The following ZNF157 variants were observed in gnomAD, a reference collection of about 807,000 sequenced individuals.
ZNF157 encodes the protein zinc finger protein 22.
In ZNF157, 8 loss-of-function variants were observed where a neutral mutation model predicts 9.4. That is an observed-to-expected ratio of 0.85 (90% CI 0.50 to 1.53). The LOEUF (loss-of-function observed/expected upper bound fraction) is 1.53, where lower values mean the gene tolerates loss of function less well. Ranked by LOEUF, ZNF157 falls within the 40% of genes most tolerant of loss-of-function variation. ZNF157 has a pLI of 0.00. For synonymous variants in ZNF157, 120 were observed against 130.8 expected (o/e 0.92, Z 0.56); for missense variants, 316 against 385.2 (o/e 0.82, Z 1.50).
At chrX:47,397,694 C>G (rs188408988) in intron 1 of ZNF157, among the ~76,000 whole-genome samples, 1 of 111,775 alleles carries the variant, frequency 8.9e-6, no homozygotes, top group Non-Finnish European at 1.9e-5. Context: ...GGATTACAGG[C>G]GTGAGCCACC....
intron 1 of ZNF157, among the ~76,000 whole-genome samples, chrX:47,399,180 G>A (rs1229882968): frequency 9.0e-6 from 1 of 111,282 alleles, no homozygotes. Flanking sequence ...CAACAATATT[G>A]GTCTAGCAAA....
At chrX:47,405,364 C>T (rs1602772843) in intron 1 of ZNF157, among the ~76,000 whole-genome samples, 1 of 108,507 alleles carries the variant, frequency 9.2e-6, no homozygotes, top group African/African-American at 3.4e-5. Flanking sequence ...ACTCCAGCCT[C>T]AGCAACAAGA....
chrX:47,377,724 G>A (rs1170341185), intron 1 of ZNF157, among the ~76,000 whole-genome samples: 2 of 101,355 alleles, frequency 2.0e-5, no homozygotes, highest in African/African-American at 7.6e-5. Flanking sequence ...GAGCCACCAT[G>A]CCCAGCCTTT....
chrX:47,409,380 G>C (rs1040523144), intron 1 of ZNF157, among the ~76,000 whole-genome samples: 9 of 111,621 alleles, frequency 8.1e-5, no homozygotes, highest in Admixed American at 3.8e-4. Flanking sequence ...TGTCGCCCAG[G>C]CTGGAGTGCA....
At chrX:47,373,632 A>C (rs940161795) in intron 1 of ZNF157, among the ~76,000 whole-genome samples, 1 of 110,616 alleles carries the variant, frequency 9.0e-6, no homozygotes, top group Non-Finnish European at 1.9e-5. Context: ...ACTTAAACTT[A>C]TCTGCATCTT....
chrX:47,387,577 T>C (rs1329334341), intron 1 of ZNF157, among the ~76,000 whole-genome samples: 1 of 110,265 alleles, frequency 9.1e-6, no homozygotes, highest in Non-Finnish European at 1.9e-5. Context: ...GCTTAATCTG[T>C]ATATTCTAGG....
At chrX:47,392,947 G>T (rs912678669) in intron 1 of ZNF157, among the ~76,000 whole-genome samples, 1 of 111,123 alleles carries the variant, frequency 9.0e-6, no homozygotes, top group Non-Finnish European at 1.9e-5. Flanking sequence ...CTGAGGTCAG[G>T]AGTTCGAGAC....
chrX:47,388,730 G>C (rs910672355), intron 1 of ZNF157: 2 of 156,518 alleles, frequency 1.3e-5, no homozygotes, highest in Non-Finnish European at 2.7e-5. Context: ...TCATTGTGAC[G>C]GGGGGCACAA....
chrX:47,411,191 G>A (rs1456068811), intron 3 of ZNF157, among the ~76,000 whole-genome samples: 1 of 110,357 alleles, frequency 9.1e-6, no homozygotes, highest in Non-Finnish European at 1.9e-5. Flanking sequence ...GTTTCACCAT[G>A]TTGGCCAGGT....
chrX:47,406,843 C>A (rs1236312337), intron 1 of ZNF157, among the ~76,000 whole-genome samples: 1 of 112,166 alleles, frequency 8.9e-6, no homozygotes, highest in Non-Finnish European at 1.9e-5. Context: ...CTTTTTCTTG[C>A]CTGATTTCAC....
intron 1 of ZNF157, among the ~76,000 whole-genome samples, chrX:47,372,651 C>T (rs2055832326): frequency 1.8e-5 from 2 of 108,965 alleles, no homozygotes; most frequent in Admixed American, 9.9e-5. Context: ...TATGCCACCA[C>T]GCCCAGCTAA....
At chrX:47,384,040 C>T (rs1208046631) in intron 1 of ZNF157, among the ~76,000 whole-genome samples, 3 of 108,427 alleles carry the variant, frequency 2.8e-5, no homozygotes, top group Admixed American at 1.0e-4. Context: ...GAGGCCGAGG[C>T]GGGTGGATCA....
Position 47,385,724 on chromosome X carries a change from C to T in ZNF157, c.72+14984C>T, listed in dbSNP as rs755639229. Among the ~76,000 whole-genome samples, 333 of 110,271 alleles carry T rather than the reference C, an allele frequency of 3.0e-3. 3 individuals are homozygous for T. The highest frequency in any genetic ancestry group is 8.9e-3 in the African/African-American group (269 of 30,360). On this transcript the variant is annotated intron_variant, in intron 1 of 3. Coordinates refer to ENST00000377073, the MANE Select transcript of ZNF157 (RefSeq NM_003446.4). ...CTGGGATTACAGGTGCGTGCCACTA[C>T]GCCCAGCTAATTTTTGTATTTTTGG...
At chrX:47,387,351 G>A (rs1240736083) in intron 1 of ZNF157, among the ~76,000 whole-genome samples, 2 of 109,853 alleles carry the variant, frequency 1.8e-5, no homozygotes, top group African/African-American at 6.6e-5. Context: ...TCGAACTCCC[G>A]ACCTCAGGTG....
intron 3 of ZNF157, 80 bp from the exon 4 acceptor site, chrX:47,412,289 G>A: frequency 1.1e-6 from 1 of 879,865 alleles, no homozygotes; most frequent in South Asian, 2.6e-5. Flanking sequence ...GTGTTAAGGA[G>A]TTTAATTTTA....
At chrX:47,380,827 AAGG>A (rs1165635992) in intron 1 of ZNF157, among the ~76,000 whole-genome samples, 1 of 99,751 alleles carries the variant, frequency 1.0e-5, no homozygotes, top group African/African-American at 3.7e-5. Flanking sequence ...GCAGGAGAGA[AAGG>A]AGGAGGAGAA....
intron 1 of ZNF157, among the ~76,000 whole-genome samples, chrX:47,389,622 C>T (rs189462230): frequency 3.6e-5 from 4 of 112,016 alleles, no homozygotes; most frequent in African/African-American, 1.3e-4. Flanking sequence ...GGATGAAGGG[C>T]GGGCACAGTG....
At position 47,402,822 on chromosome X, in the gene ZNF157, G is replaced by A. The variant is rs1024436142; in HGVS notation, c.73-7454G>A. ...CTCCCAAAGTGCTGGGATTACAGGC[G>A]TGAGCCACCGTGCCCGGCCTAAAGA... On this transcript the variant is annotated intron_variant, in intron 1 of 3. Transcript: ENST00000377073. 2.7e-5 allele frequency among the ~76,000 whole-genome samples: 3 copies of A among 109,397 alleles called. No individual in the cohort carries two copies. In the Admixed American group the frequency reaches 3.0e-4, roughly 11 times the overall value. 95.0% of individuals were successfully genotyped at this position (109,397 alleles called of 115,157 possible).
At chrX:47,387,727 C>A (rs1289901120) in intron 1 of ZNF157, among the ~76,000 whole-genome samples, 1 of 106,876 alleles carries the variant, frequency 9.4e-6, no homozygotes, top group Non-Finnish European at 1.9e-5. Context: ...TGTAGTGAAA[C>A]CCCCATCTCT....
Sources: allele counts gnomAD v4.1 joint callset (sites outside exome capture counted in the v4.1 genomes callset), GRCh38; gene constraint gnomAD v4.1.1; transcripts MANE v1.5; gene names NCBI Gene and HGNC (gene_info 2026-07-23, HGNC 2026-07-21).